ROR2: variants seen among roughly 807,000 people sequenced by gnomAD.
The protein encoded by ROR2 is ROR family WNT receptor 2.
ROR2 carries 33 observed loss-of-function variants against 74.9 expected under a neutral mutation model. The observed-to-expected ratio is 0.44, with a 90% CI of 0.33 to 0.59. The LOEUF (loss-of-function observed/expected upper bound fraction) is 0.59, where lower values mean the gene tolerates loss of function less well. Ranked by LOEUF, ROR2 falls within the 20% of genes least tolerant of loss-of-function variation. The probability of loss-of-function intolerance (pLI) is 0.02; values close to 1 mark genes in which losing one functional copy is unlikely to be tolerated. For synonymous variants in ROR2, 586 were observed against 558.7 expected (o/e 1.05, Z -0.69); for missense variants, 1,216 against 1,313.8 (o/e 0.93, Z 1.15).
chr9:91,823,880 A>T (rs1197624391), intron 1 of ROR2, among the ~76,000 whole-genome samples: 2 of 152,224 alleles, frequency 1.3e-5, no homozygotes, highest in Non-Finnish European at 2.9e-5. Context: ...TCAATCTCCT[A>T]AATTTCTCTG....
intron 1 of ROR2, among the ~76,000 whole-genome samples, chr9:91,789,387 T>C (rs543303611): frequency 5.5e-4 from 83 of 152,252 alleles, no homozygotes; most frequent in Admixed American, 2.5e-3. Flanking sequence ...AGAGTACTAG[T>C]AAAGGTAACT....
At chr9:91,922,737 G>T (rs1831304299) in intron 1 of ROR2, among the ~76,000 whole-genome samples, 1 of 152,148 alleles carries the variant, frequency 6.6e-6, no homozygotes, top group Non-Finnish European at 1.5e-5. Context: ...ACAGGCAGGA[G>T]CCACCGCGCC....
At chr9:91,947,779 T>A (rs984916176) in intron 1 of ROR2, among the ~76,000 whole-genome samples, 2 of 152,206 alleles carry the variant, frequency 1.3e-5, no homozygotes, top group African/African-American at 4.8e-5. Context: ...TAAATAGTTT[T>A]ACATAATAAA....
At position 91,846,921 on chromosome 9, in the gene ROR2, G is replaced by A. The variant is rs151174573; in HGVS notation, c.98-71103C>T. ...GCCTCCAGAAATTATCTGTCAAAGCGGCTATAGACATGTTTAAGAAGAGGT... is the reference window on the plus strand; with the variant it reads ...GCCTCCAGAAATTATCTGTCAAAGCAGCTATAGACATGTTTAAGAAGAGGT... On this transcript the variant is annotated intron_variant, in intron 1 of 8. Coordinates refer to ENST00000375708, the MANE Select transcript of ROR2 (RefSeq NM_004560.4). 1.7e-3 allele frequency among the ~76,000 whole-genome samples: 253 copies of A among 152,216 alleles called. 2 individuals are homozygous for A. The South Asian group carries it at 0.019, about 12-fold the overall frequency.
chr9:91,802,277 C>T (rs1200512331), intron 1 of ROR2, among the ~76,000 whole-genome samples: 1 of 151,910 alleles, frequency 6.6e-6, no homozygotes. Flanking sequence ...GGGGTTTCAC[C>T]ATGTTAGCCA....
At chr9:91,755,791 G>T (rs1434128033) in intron 4 of ROR2, 5 of 549,940 alleles carry the variant, frequency 9.1e-6, no homozygotes, top group African/African-American at 7.5e-5. Flanking sequence ...AGGCAACCTG[G>T]CCTGTATATT....
chr9:91,803,436 C>T (rs1827454450), intron 1 of ROR2, among the ~76,000 whole-genome samples: 1 of 152,168 alleles, frequency 6.6e-6, no homozygotes, highest in Non-Finnish European at 1.5e-5. Context: ...TTCTGCTATG[C>T]AGGATGAAAA....
Position 91,905,378 on chromosome 9 carries a change from C to T in ROR2, c.97+44489G>A, listed in dbSNP as rs906619965. Reference sequence around the variant, plus strand: ...CACACCATACACACAAGACACACAACACATACCACACACACAGAGAGACAA... The same window carrying T: ...CACACCATACACACAAGACACACAATACATACCACACACACAGAGAGACAA... On this transcript the variant is annotated intron_variant, in intron 1 of 8. Transcript: ENST00000375708. The surrounding 1 kb of genome is among the most constrained non-coding windows in gnomAD (Gnocchi z 5.3). Among the ~76,000 whole-genome samples the T allele has an allele frequency of 4.0e-5, 6 of 151,802 alleles. No homozygotes were observed. The highest frequency in any genetic ancestry group is 8.8e-5 in the Non-Finnish European group (6 of 67,960).
chr9:91,782,101 G>C (rs1826639149), intron 1 of ROR2, among the ~76,000 whole-genome samples: 1 of 152,222 alleles, frequency 6.6e-6, no homozygotes. Context: ...GCCTGGCCGG[G>C]CTGGGAGGCC....
Position 91,905,682 on chromosome 9 carries a change from GTTTTTC to G in ROR2, c.97+44179_97+44184del, listed in dbSNP as rs568160687. Among the ~76,000 whole-genome samples, 6 of 143,956 alleles carry G rather than the reference GTTTTTC, an allele frequency of 4.2e-5. No individual in the cohort carries two copies. The highest frequency in any genetic ancestry group is 7.6e-5 in the Non-Finnish European group (5 of 65,582). 94.4% of individuals were successfully genotyped at this position (143,956 alleles called of 152,430 possible). A position where few individuals can be genotyped will look rare whatever the true frequency, so the allele number is the denominator to read the frequency against. Reference sequence around the variant, plus strand: ...ACACCACACATACACTCCAAAATCTGTTTTTCTTTTTAGAAGACCACAAACCCCACT... The same window carrying G: ...ACACCACACATACACTCCAAAATCTGTTTTTAGAAGACCACAAACCCCACT... On this transcript the variant is annotated intron_variant, in intron 1 of 8. Coordinates refer to ENST00000375708, the MANE Select transcript of ROR2 (RefSeq NM_004560.4). This position sits in a 1 kb window ranked among gnomAD's most constrained non-coding sequence, Gnocchi z 5.3.
intron 1 of ROR2, among the ~76,000 whole-genome samples, chr9:91,923,203 A>G (rs892301794): frequency 2.0e-5 from 3 of 152,164 alleles, no homozygotes; most frequent in African/African-American, 7.2e-5. Context: ...GACTGGCCAA[A>G]ATGCTGGGGA....
chr9:91,911,599 T>C (rs922627435), intron 1 of ROR2, among the ~76,000 whole-genome samples: 1 of 152,002 alleles, frequency 6.6e-6, no homozygotes, highest in African/African-American at 2.4e-5. Flanking sequence ...AATTAGTAAA[T>C]GCAGAAGAGA....
intron 1 of ROR2, among the ~76,000 whole-genome samples, chr9:91,897,610 T>C (rs1041508690): frequency 2.0e-5 from 3 of 151,626 alleles, no homozygotes; most frequent in Admixed American, 2.0e-4. Flanking sequence ...GCCAAAGGTG[T>C]GAAGGCGAGC....
chr9:91,817,427 T>C (rs114974926), intron 1 of ROR2, among the ~76,000 whole-genome samples: 4,251 of 152,298 alleles, frequency 0.028, 196 homozygotes, highest in African/African-American at 0.097. Context: ...AAGACAGAGA[T>C]GGTCTCTACC....
chr9:91,805,664 C>T (rs903326397), intron 1 of ROR2, among the ~76,000 whole-genome samples: 4 of 152,310 alleles, frequency 2.6e-5, no homozygotes, highest in African/African-American at 9.6e-5. Flanking sequence ...AGTACATGTA[C>T]ACACCCATGC....
chr9:91,726,440 C>G, intron 8 of ROR2, 101 bp downstream of exon 8: 1 of 1,101,104 alleles, frequency 9.1e-7, no homozygotes, highest in South Asian at 1.3e-5. Flanking sequence ...TAATTATGTG[C>G]TATGTATCAA....
intron 1 of ROR2, among the ~76,000 whole-genome samples, chr9:91,792,629 T>C (rs1166164736): frequency 6.6e-6 from 1 of 152,188 alleles, no homozygotes; most frequent in Non-Finnish European, 1.5e-5. Flanking sequence ...TTTGAAAAGA[T>C]ACTGGCAAAC....
At chr9:91,825,780 G>A (rs1365421454) in intron 1 of ROR2, among the ~76,000 whole-genome samples, 1 of 152,150 alleles carries the variant, frequency 6.6e-6, no homozygotes, top group Non-Finnish European at 1.5e-5. Flanking sequence ...ATGGACTGTG[G>A]AGGACAAGCC....
chr9:91,766,921 G>C (rs928797908), intron 2 of ROR2, among the ~76,000 whole-genome samples: 1 of 152,148 alleles, frequency 6.6e-6, no homozygotes, highest in East Asian at 1.9e-4. Flanking sequence ...GCAACTGATG[G>C]TACAGGCTCA....
Sources: gnomAD v4.1 joint callset for allele counts (sites outside exome capture counted in the v4.1 genomes callset) on GRCh38, gnomAD v4.1.1 for gene constraint, Gnocchi (gnomAD v3.1) non-coding constraint, MANE v1.5 for transcripts, NCBI Gene and HGNC (gene_info 2026-07-23, HGNC 2026-07-21) for gene names.